EML6: variants seen among roughly 807,000 people sequenced by gnomAD.
EML6 encodes the protein echinoderm microtubule-associated protein-like 6.
Under a neutral mutation model 240.1 loss-of-function variants are expected in EML6, and 154 were observed. The ratio of observed to expected loss-of-function variants is 0.64; its 90% CI spans 0.56 to 0.73. The LOEUF is 0.73. EML6 is among the 30% of genes least tolerant of loss of function. The pLI, the probability that EML6 is intolerant of heterozygous loss-of-function variation, is 0.00. For missense variants in EML6, 2,964 were observed against 2,474.6 expected, an observed-to-expected ratio of 1.20 and a Z score of -4.20; for synonymous variants, 1,148 against 899.0, an observed-to-expected ratio of 1.28 and a Z score of -4.95.
At chr2:54,893,838 T>G (rs958735150) in intron 19 of EML6, among the ~76,000 whole-genome samples, 21 of 152,078 alleles carry the variant, frequency 1.4e-4, no homozygotes, top group Admixed American at 2.6e-4. Context: ...GCAAAGGTGT[T>G]GTTTTGTTTT....
chr2:54,889,684 C>T (rs1440915745), intron 17 of EML6, among the ~76,000 whole-genome samples: 1 of 151,712 alleles, frequency 6.6e-6, no homozygotes, highest in East Asian at 1.9e-4. Flanking sequence ...TTAAAATTTC[C>T]TTTTTAATTT....
At chr2:54,875,167 T>C (rs557028360) in intron 16 of EML6, among the ~76,000 whole-genome samples, 19 of 152,206 alleles carry the variant, frequency 1.2e-4, no homozygotes, top group African/African-American at 4.6e-4. Context: ...GACATGGTAG[T>C]GCATAGAGGC....
chr2:54,838,109 A>G (rs924283690), intron 7 of EML6, among the ~76,000 whole-genome samples: 6 of 152,220 alleles, frequency 3.9e-5, no homozygotes, highest in African/African-American at 1.4e-4. Context: ...AGCAAATGAC[A>G]AAAGCTAAGT....
intron 2 of EML6, among the ~76,000 whole-genome samples, chr2:54,782,179 G>T (rs1398782547): frequency 1.3e-5 from 2 of 152,056 alleles, no homozygotes; most frequent in Non-Finnish European, 2.9e-5. Flanking sequence ...CACTTCAAAA[G>T]TATCTTTTCT....
chr2:54,936,124 T>A (rs771940574), intron 28 of EML6, among the ~76,000 whole-genome samples: 26 of 152,364 alleles, frequency 1.7e-4, no homozygotes, highest in Non-Finnish European at 2.9e-4. Flanking sequence ...TAGAAACTTA[T>A]AACTACGGAA....
chr2:54,913,554 T>C lies in EML6; in HGVS notation c.3498+2512T>C, dbSNP rs181742978. Among the ~76,000 whole-genome samples, 632 of 152,330 alleles carry C rather than the reference T, an allele frequency of 4.1e-3. 4 individuals are homozygous for C. Among genetic ancestry groups the C allele is most frequent in the African/African-American group, 0.014 (602 of 41,556 alleles). On this transcript the variant is annotated intron_variant, in intron 25 of 41. Transcript: ENST00000356458. ...CTTTTAGATTCTGGATATTAGACCCTTTTCAGGTGCATAGTTTGCAAATAC... is the reference window on the plus strand; with the variant it reads ...CTTTTAGATTCTGGATATTAGACCCCTTTCAGGTGCATAGTTTGCAAATAC...
intron 2 of EML6, among the ~76,000 whole-genome samples, chr2:54,759,340 T>C (rs1296823760): frequency 6.6e-6 from 1 of 151,834 alleles, no homozygotes; most frequent in Non-Finnish European, 1.5e-5. Flanking sequence ...ATTTTTTTTA[T>C]AGCTAATTGA....
At chr2:54,819,739 C>T (rs1179234379) in intron 4 of EML6, among the ~76,000 whole-genome samples, 13 of 141,606 alleles carry the variant, frequency 9.2e-5, no homozygotes, top group Non-Finnish European at 1.2e-4. Flanking sequence ...CACGCCACTG[C>T]ACTCCAGCCT....
At chr2:54,847,651 T>G (rs1290259563) in intron 9 of EML6, 28 bp downstream of exon 9, 1 of 1,549,506 alleles carries the variant, frequency 6.5e-7, no homozygotes, top group Non-Finnish European at 8.7e-7. Flanking sequence ...AAATGGTATT[T>G]AGAAATGCTC....
At chr2:54,847,806 T>C (rs1350977495) in intron 9 of EML6, among the ~76,000 whole-genome samples, 183 bp downstream of exon 9, 1 of 152,136 alleles carries the variant, frequency 6.6e-6, no homozygotes, top group Non-Finnish European at 1.5e-5. Flanking sequence ...AATACAAAAT[T>C]ATTTGATAAT....
intron 11 of EML6, among the ~76,000 whole-genome samples, chr2:54,859,075 C>T (rs1474854188): frequency 6.6e-6 from 1 of 152,208 alleles, no homozygotes; most frequent in Admixed American, 6.5e-5. Context: ...TTAGTGTTCA[C>T]TGAGTAAAGC....
At chr2:54,820,683 G>A (rs1427254694) in intron 5 of EML6, among the ~76,000 whole-genome samples, 2 of 152,174 alleles carry the variant, frequency 1.3e-5, no homozygotes, top group Non-Finnish European at 2.9e-5. Context: ...TGCTCCGCAG[G>A]CAGCTGAAAA....
intron 2 of EML6, among the ~76,000 whole-genome samples, chr2:54,727,822 C>T (rs917394032): frequency 6.6e-6 from 1 of 152,084 alleles, no homozygotes; most frequent in African/African-American, 2.4e-5. Context: ...TGCTGTTTTG[C>T]CAAGAATATT....
chr2:54,735,191 C>G (rs578182432), intron 2 of EML6, among the ~76,000 whole-genome samples: 2 of 152,254 alleles, frequency 1.3e-5, no homozygotes, highest in Non-Finnish European at 1.5e-5. Context: ...CCTCCTTTCT[C>G]TATGCATCTG....
chr2:54,958,006 C>T lies in EML6; in HGVS notation c.4695+8C>T. 6.5e-7 allele frequency: 1 copy of T among 1,544,334 alleles called. No individual in the cohort carries two copies. Among genetic ancestry groups the T allele is most frequent in the South Asian group, 1.2e-5 (1 of 83,496 alleles). The stretch of plus-strand genomic sequence containing the variant: ...TCCGTGGCCTTCGGTGCTGTGAGTT[C>T]TAGCAGATACTCCCTGAGAAGGGGA... On this transcript the variant is annotated splice_region_variant and intron_variant, in intron 33 of 41. Transcript: ENST00000356458.
chr2:54,882,329 T>C (rs1199682309), intron 17 of EML6: 1 of 150,654 alleles, frequency 6.6e-6, no homozygotes. Context: ...TATACAAGTA[T>C]CCCATTTAAG....
chr2:54,747,792 A>G (rs1263963193), intron 2 of EML6, among the ~76,000 whole-genome samples: 1 of 152,214 alleles, frequency 6.6e-6, no homozygotes, highest in Non-Finnish European at 1.5e-5. Context: ...AAATTATGAA[A>G]AAAACTTTGA....
In EML6 at chr2:54,968,109, CCT is replaced by C. The variant is rs370214443; in HGVS notation, c.5598-16_5598-15del. ...GCCGTGACTTCCTTCTATCCTAACC[CCT>C]CTTTCTGTTGGAACAGCGTCCTGGG... On this transcript the variant is annotated splice_polypyrimidine_tract_variant and intron_variant, in intron 39 of 41. Coordinates refer to ENST00000356458, the MANE Select transcript of EML6 (RefSeq NM_001039753.4). The C allele has an allele frequency of 1.6e-4, 245 of 1,550,270 alleles. No individual in the cohort carries two copies. The East Asian group carries it at 5.3e-3, about 33-fold the overall frequency.
intron 2 of EML6, among the ~76,000 whole-genome samples, chr2:54,793,125 G>C (rs1055682865): frequency 1.3e-5 from 2 of 152,064 alleles, no homozygotes; most frequent in Non-Finnish European, 2.9e-5. Flanking sequence ...AAATTAGCTG[G>C]GTGTAGTGGT....
Sources: gnomAD v4.1 joint callset for allele counts (sites outside exome capture counted in the v4.1 genomes callset) on GRCh38, gnomAD v4.1.1 for gene constraint, MANE v1.5 for transcripts, NCBI Gene and HGNC (gene_info 2026-07-23, HGNC 2026-07-21) for gene names.